DIS3L: variants seen among roughly 807,000 people sequenced by gnomAD.
DIS3L encodes DIS3 like exosome 3'-5' exoribonuclease.
DIS3L carries 100 observed loss-of-function variants against 120.3 expected under a neutral mutation model. The ratio of observed to expected loss-of-function variants is 0.83; its 90% CI spans 0.71 to 0.98. The LOEUF is 0.98. Ranked by LOEUF, DIS3L falls within the 50% of genes least tolerant of loss-of-function variation. The pLI is 0.00. For synonymous variants in DIS3L, 426 were observed against 470.6 expected (o/e 0.91, Z 1.23); for missense variants, 1,196 against 1,314.2 (o/e 0.91, Z 1.39).
chr15:66,332,054 A>G (rs1166242152), intron 15 of DIS3L, 34 bp downstream of exon 15: 7 of 1,575,686 alleles, frequency 4.4e-6, no homozygotes, highest in Non-Finnish European at 4.3e-6. Flanking sequence ...TGCATAAGAA[A>G]TCATAGTTAA....
chr15:66,308,766 T>G lies in DIS3L; in HGVS notation c.480T>G (p.Ile160Met). Reference protein sequence around the residue: ...YYHHCQDRMPIVMVTEDEEAI... With the variant: ...YYHHCQDRMPMVMVTEDEEAI... ...ATCACTGCCAGGACAGGATGCCAAT[T>G]GTTATGGTGACAGAAGATGAAGAGG... is the stretch of plus-strand genomic sequence containing the variant. Residue 160 changes from isoleucine (I) to methionine (M), a missense_variant, in exon 4 of 17, where the codon ATT becomes ATG. Ile to Met is a conservative substitution (Grantham distance 10). Transcript: ENST00000319212. The G allele has an allele frequency of 6.2e-7, 1 of 1,613,578 alleles. No individual in the cohort carries two copies. Among genetic ancestry groups the G allele is most frequent in the Non-Finnish European group, 8.5e-7 (1 of 1,179,756 alleles).
chr15:66,305,304 G>A (rs2092693435), intron 2 of DIS3L, among the ~76,000 whole-genome samples: 2 of 151,760 alleles, frequency 1.3e-5, no homozygotes, highest in South Asian at 4.2e-4. Flanking sequence ...CAGCCCTAGT[G>A]AAATCTATTT....
intron 15 of DIS3L, 106 bp from the exon 16 acceptor site, chr15:66,332,630 T>C (rs940322736): frequency 3.5e-6 from 4 of 1,141,464 alleles, no homozygotes; most frequent in Non-Finnish European, 4.9e-6. Context: ...ACAGGAAAAG[T>C]GATTTGTTTT....
intron 12 of DIS3L, among the ~76,000 whole-genome samples, chr15:66,327,131 TGTTGGTCAG>T (rs2092947242): frequency 6.6e-6 from 1 of 151,880 alleles, no homozygotes; most frequent in African/African-American, 2.4e-5. Context: ...GGTTTCACCA[TGTTGGTCAG>T]GTTGGTCTCA....
At chr15:66,300,053 A>AAAATAAAT (rs896972913) in intron 2 of DIS3L, among the ~76,000 whole-genome samples, 2 of 152,148 alleles carry the variant, frequency 1.3e-5, no homozygotes, top group Admixed American at 1.3e-4. Flanking sequence ...TCCATCTCCA[A>AAAATAAAT]AAATAAATAA....
chr15:66,295,033 A>G lies in DIS3L; in HGVS notation c.185A>G (p.Asp62Gly). 6.2e-7 allele frequency: 1 copy of G among 1,614,174 alleles called. No homozygotes were observed. Among genetic ancestry groups the G allele is most frequent in the Non-Finnish European group, 8.5e-7 (1 of 1,180,008 alleles). Residue 62 changes from aspartate to glycine, a missense_variant, in exon 2 of 17, where the codon GAC becomes GGC. Transcript: ENST00000319212. The stretch of plus-strand genomic sequence containing the variant: ...GATGTGACTCATTACGTGATCCCAG[A>G]CTGGAAAGTTGTTCAAGATTATCTT... ...SSDVTHYVIPDWKVVQDYLEI... is the reference protein window; with the variant it reads ...SSDVTHYVIPGWKVVQDYLEI...
chr15:66,307,055 A>T, intron 3 of DIS3L, 103 bp downstream of exon 3: 1 of 1,444,110 alleles, frequency 6.9e-7, no homozygotes. Context: ...GAACAAACCA[A>T]CAATTATTCT....
intron 8 of DIS3L, 36 bp downstream of exon 8, chr15:66,318,654 C>A: frequency 6.3e-7 from 1 of 1,597,836 alleles, no homozygotes; most frequent in Non-Finnish European, 8.5e-7. Flanking sequence ...GGGATCTCTA[C>A]GCTTTCTCCT....
In DIS3L at chr15:66,295,133, A is replaced by C. The variant is rs752244737; in HGVS notation, c.285A>C (p.Arg95Ser). The C allele has an allele frequency of 6.2e-7, 1 of 1,613,836 alleles. No homozygotes were observed. The highest frequency in any genetic ancestry group is 8.5e-7 in the Non-Finnish European group (1 of 1,179,928). ...CTTGTCAAGCTGTGCAGCATCAAAG[A>C]GGCAGGAGGTATACGTTTTGCATTC... ...QTACQAVQHQ[R>S]GRRQYNKLRN... The change falls in exon 2 of 17, where the codon AGA becomes AGC. Residue 95 changes from arginine (R) to serine (S), a missense_variant. Physicochemically the swap from Arg to Ser is moderately radical, Grantham distance 110. Coordinates refer to ENST00000319212, the MANE Select transcript of DIS3L (RefSeq NM_001143688.3).
intron 7 of DIS3L, among the ~76,000 whole-genome samples, chr15:66,316,571 T>C (rs537702506): frequency 1.3e-5 from 2 of 152,158 alleles, no homozygotes; most frequent in Non-Finnish European, 2.9e-5. Context: ...ATCCCAGCAC[T>C]TTGGGAAGCT....
chr15:66,328,326 A>G (rs1223198893), intron 12 of DIS3L, among the ~76,000 whole-genome samples: 1 of 152,118 alleles, frequency 6.6e-6, no homozygotes, highest in South Asian at 2.1e-4. Context: ...AGCCAGCCAC[A>G]ATATAGGACT....
rs2093013244 is a variant in DIS3L at position 66,332,658 on chromosome 15, T to C, written c.2682-78T>C. Reference sequence around the variant, plus strand: ...TTTGTTTTTAATCTAGGAGAAAAACTAGTATTCTAGATAAGCATACAAGAT... The same window carrying C: ...TTTGTTTTTAATCTAGGAGAAAAACCAGTATTCTAGATAAGCATACAAGAT... On this transcript the variant is annotated intron_variant, in intron 15 of 16. Transcript: ENST00000319212. 3.0e-6 allele frequency: 4 copies of C among 1,344,348 alleles called. No individual in the cohort carries two copies. The South Asian group carries it at 4.6e-5, about 16-fold the overall frequency. The allele number at this position is 1,344,348 out of a possible 1,614,324, so 83.3% of individuals were successfully genotyped here.
At chr15:66,296,943 CAAAGTGCA>C (rs2092594219) in intron 2 of DIS3L, among the ~76,000 whole-genome samples, 1 of 152,140 alleles carries the variant, frequency 6.6e-6, no homozygotes, top group African/African-American at 2.4e-5. Context: ...GTGGACTATG[CAAAGTGCA>C]GAAGTAAACG....
intron 1 of DIS3L, 197 bp downstream of exon 1, chr15:66,293,932 G>A (rs1595705411): frequency 1.0e-6 from 1 of 997,938 alleles, no homozygotes; most frequent in Non-Finnish European, 1.2e-6. Context: ...CGGCTTCTGG[G>A]GCGCCCGGGA....
Position 66,311,717 on chromosome 15 carries a change from A to T in DIS3L, c.559-7A>T. 1 of 1,613,780 alleles carries T rather than the reference A, an allele frequency of 6.2e-7. No homozygotes were observed. Among genetic ancestry groups the T allele is most frequent in the South Asian group, 1.1e-5 (1 of 91,074 alleles). Reference sequence around the variant, plus strand: ...ACCGTGTTTCTCTGTGCCTTTATTAAATACAGAATTACCTGGACAATTTCT... The same window carrying T: ...ACCGTGTTTCTCTGTGCCTTTATTATATACAGAATTACCTGGACAATTTCT... On this transcript the variant is annotated splice_polypyrimidine_tract_variant and splice_region_variant and intron_variant, in intron 4 of 16. Coordinates refer to ENST00000319212, the MANE Select transcript of DIS3L (RefSeq NM_001143688.3).
At chr15:66,305,991 T>C (rs996620359) in intron 2 of DIS3L, among the ~76,000 whole-genome samples, 2 of 152,182 alleles carry the variant, frequency 1.3e-5, no homozygotes, top group African/African-American at 4.8e-5. Context: ...GAAGGATCTT[T>C]TTTGTTGTTG....
rs948202370 is a variant in DIS3L, at chr15:66,321,938, C to T, written c.1327-749C>T. ...CAGATTGTTCTCCAGAAAAATTGGA[C>T]CCATTTGCATTACCATAAGGAGTGT... On this transcript the variant is annotated intron_variant, in intron 9 of 16. Transcript: ENST00000319212. 3.3e-5 allele frequency among the ~76,000 whole-genome samples: 5 copies of T among 152,006 alleles called. No homozygotes were observed. The South Asian group carries it at 6.2e-4, about 19-fold the overall frequency.
At chr15:66,295,178 G>T (rs1477281795) in intron 2 of DIS3L, 37 bp downstream of exon 2, 2 of 1,584,038 alleles carry the variant, frequency 1.3e-6, no homozygotes, top group Non-Finnish European at 1.7e-6. Flanking sequence ...ATATGGCATA[G>T]GTTCCCCCCA....
chr15:66,293,999 C>T, intron 1 of DIS3L: 1 of 990,132 alleles, frequency 1.0e-6, no homozygotes, highest in Non-Finnish European at 1.2e-6. Flanking sequence ...GCACCCCATG[C>T]CGGAGGCCGG....
Sources: allele counts gnomAD v4.1 joint callset (sites outside exome capture counted in the v4.1 genomes callset), GRCh38; gene constraint gnomAD v4.1.1; transcripts MANE v1.5; gene names NCBI Gene and HGNC (gene_info 2026-07-23, HGNC 2026-07-21).